The following WDFY3 variants were observed in gnomAD, a reference collection of about 807,000 sequenced individuals.
The protein encoded by WDFY3 is WD repeat and FYVE domain-containing protein 3.
In WDFY3, 66 loss-of-function variants were observed where a neutral mutation model predicts 409.6. That is an observed-to-expected ratio of 0.16 (90% confidence interval 0.13 to 0.20). The LOEUF (loss-of-function observed/expected upper bound fraction) is 0.20, where lower values mean the gene tolerates loss of function less well. Ranked by LOEUF, WDFY3 falls within the 10% of genes least tolerant of loss-of-function variation. The pLI is 1.00. For synonymous variants in WDFY3, 1,521 were observed against 1,537.1 expected, an observed-to-expected ratio of 0.99 and a Z score of 0.25; for missense variants, 3,031 against 4,298.1, an observed-to-expected ratio of 0.71 and a Z score of 8.24.
Position 84,740,234 on chromosome 4 carries a change from T to G in WDFY3, c.6417A>C (p.Glu2139Asp). The G allele has an allele frequency of 3.1e-6, 5 of 1,614,118 alleles. No homozygotes were observed. Among genetic ancestry groups the G allele is most frequent in the Non-Finnish European group, 4.2e-6 (5 of 1,180,012 alleles). ...LILGPGNHDQEFISCLAHCLI... is the reference protein window; with the variant it reads ...LILGPGNHDQDFISCLAHCLI... Reference sequence around the variant, plus strand: ...AGCAGTGGGCCAGACAGCTAATGAATTCTTGGTCATGGTTCCCAGGTCCCA... The same window carrying G: ...AGCAGTGGGCCAGACAGCTAATGAAGTCTTGGTCATGGTTCCCAGGTCCCA... Residue 2139 changes from glutamate (E) to aspartate (D), a missense_variant, in exon 39 of 68, where the codon GAA becomes GAC. This residue lies in a region of WDFY3 where 314 missense variants were observed against 397.4 expected (regional missense o/e 0.79). Coordinates refer to ENST00000295888, the MANE Select transcript of WDFY3 (RefSeq NM_014991.6).
intron 2 of WDFY3, among the ~76,000 whole-genome samples, chr4:84,924,325 C>T (rs909264471): frequency 2.0e-5 from 3 of 152,164 alleles, no homozygotes; most frequent in Admixed American, 2.0e-4. Flanking sequence ...GGCTTTATAT[C>T]CATATTCTAT....
intron 32 of WDFY3, among the ~76,000 whole-genome samples, chr4:84,757,627 G>C (rs1397550443): frequency 6.6e-6 from 1 of 152,024 alleles, no homozygotes; most frequent in Non-Finnish European, 1.5e-5. Flanking sequence ...GCCCAGGCTG[G>C]AGTGCAGTGC....
intron 5 of WDFY3, among the ~76,000 whole-genome samples, chr4:84,847,918 TATA>T (rs1003445135): frequency 2.1e-4 from 25 of 121,948 alleles, no homozygotes; most frequent in Admixed American, 1.6e-3. Flanking sequence ...ATGAGAAAAA[TATA>T]ATGTCACAAA....
chr4:84,757,079 T>A lies in WDFY3; in HGVS notation c.5271A>T (p.Pro1757=). The change falls in exon 33 of 68, where the codon CCA becomes CCT. Residue 1757 remains proline (P), a synonymous_variant. Coordinates refer to ENST00000295888, the MANE Select transcript of WDFY3 (RefSeq NM_014991.6). ...NRDACHFPGF[P]VLQSFLPKHT... ...GTTTAGGAAGGAATGACTGAAGGACTGGAAAACCAGGAAAATGACAAGCAT... is the reference window on the plus strand; with the variant it reads ...GTTTAGGAAGGAATGACTGAAGGACAGGAAAACCAGGAAAATGACAAGCAT... 1 of 1,614,026 alleles carries A rather than the reference T, an allele frequency of 6.2e-7. No individual in the cohort carries two copies. Among genetic ancestry groups the A allele is most frequent in the South Asian group, 1.1e-5 (1 of 91,082 alleles).
At chr4:84,880,553 A>G (rs949276296) in intron 3 of WDFY3, among the ~76,000 whole-genome samples, 1 of 150,880 alleles carries the variant, frequency 6.6e-6, no homozygotes, top group Non-Finnish European at 1.5e-5. Context: ...ACTTAGGTAC[A>G]TGCCCTAAGG....
At chr4:84,707,249 G>T (rs2148973422) in intron 53 of WDFY3, among the ~76,000 whole-genome samples, 1 of 152,168 alleles carries the variant, frequency 6.6e-6, no homozygotes, top group African/African-American at 2.4e-5. Context: ...TTTTAAACAG[G>T]GGGATGACTC....
At position 84,782,971 on chromosome 4, in the gene WDFY3, C is replaced by A; in HGVS notation, c.4166G>T (p.Gly1389Val). The A allele has an allele frequency of 6.2e-7, 1 of 1,613,196 alleles. No homozygotes were observed. The highest frequency in any genetic ancestry group is 1.1e-5 in the South Asian group (1 of 90,748). Residue 1389 changes from glycine to valine, a missense_variant, in exon 25 of 68, where the codon GGA becomes GTA. Physicochemically the swap from Gly to Val is moderately radical, Grantham distance 109. Around this residue, in one of 16 missense-constraint regions of WDFY3, gnomAD observed 1,322 missense variants for 1,697.9 expected, o/e 0.78. Coordinates refer to ENST00000295888, the MANE Select transcript of WDFY3 (RefSeq NM_014991.6). ...AAGATAAGTCCACTCACCCAAGTAT[C>A]CAATCAGAGCGGCCCCAATTGTCCG... ...SARTIGAALI[G>V]YLGVRTFVPK...
chr4:84,797,738 G>A lies in WDFY3; in HGVS notation c.2935+258C>T, dbSNP rs991252683. 1.1e-4 allele frequency among the ~76,000 whole-genome samples: 16 copies of A among 151,882 alleles called. No homozygotes were observed. The East Asian group carries it at 1.6e-3, about 15-fold the overall frequency. ...TGGGACTACAGGCGCCTGCCACTGCGCCCGGCTAATTTTTTTTGTATTTTT... is the reference window on the plus strand; with the variant it reads ...TGGGACTACAGGCGCCTGCCACTGCACCCGGCTAATTTTTTTTGTATTTTT... On this transcript the variant is annotated intron_variant, in intron 18 of 67. Transcript: ENST00000295888.
chr4:84,898,833 T>C (rs1765973609), intron 2 of WDFY3, among the ~76,000 whole-genome samples: 1 of 152,190 alleles, frequency 6.6e-6, no homozygotes, highest in Admixed American at 6.5e-5. Flanking sequence ...TAGGATGCTG[T>C]TCCTAAGAAG....
intron 9 of WDFY3, 92 bp downstream of exon 9, chr4:84,828,912 T>C: frequency 1.5e-6 from 2 of 1,306,644 alleles, no homozygotes; most frequent in Non-Finnish European, 2.0e-6. Flanking sequence ...TTCCTTAATT[T>C]GCTTTTCCTA....
rs143604772 is a variant in WDFY3 at position 84,696,848 on chromosome 4, TA to T, written c.8597-26del. On this transcript the variant is annotated intron_variant, in intron 56 of 67. Transcript: ENST00000295888. ...CCTATGCAATTGGATACATTAAAAA[TA>T]AAAAAAAAGAAAGAATGGGATAAAT... The T allele has an allele frequency of 0.035, 54,922 of 1,565,398 alleles. 1,100 individuals carry two copies. Among genetic ancestry groups the T allele is most frequent in the South Asian group, 0.05 (4,360 of 87,830 alleles).
chr4:84,910,393 T>C (rs1767598313), intron 2 of WDFY3, among the ~76,000 whole-genome samples: 1 of 151,898 alleles, frequency 6.6e-6, no homozygotes, highest in African/African-American at 2.4e-5. Flanking sequence ...CAATTAAAAA[T>C]AAAACATTTA....
intron 4 of WDFY3, among the ~76,000 whole-genome samples, chr4:84,856,547 G>A (rs1759788106): frequency 6.6e-6 from 1 of 152,118 alleles, no homozygotes; most frequent in African/African-American, 2.4e-5. Flanking sequence ...GAGCAAATCA[G>A]TAAGAGGGAA....
intron 29 of WDFY3, among the ~76,000 whole-genome samples, chr4:84,773,436 A>C (rs1383363893): frequency 6.6e-6 from 1 of 152,216 alleles, no homozygotes; most frequent in Non-Finnish European, 1.5e-5. Flanking sequence ...CTAGCAGTTA[A>C]GAACTTGGGT....
chr4:84,714,109 T>A (rs1049342390), intron 50 of WDFY3, among the ~76,000 whole-genome samples: 9 of 146,068 alleles, frequency 6.2e-5, no homozygotes, highest in Admixed American at 6.1e-4. Flanking sequence ...AGCAAGACTT[T>A]GTCTAAAAAA....
At chr4:84,910,007 G>T (rs142987818) in intron 2 of WDFY3, among the ~76,000 whole-genome samples, 44 of 152,252 alleles carry the variant, frequency 2.9e-4, no homozygotes, top group African/African-American at 5.3e-4. Context: ...TACACAGTCA[G>T]CCCTCTGCAT....
At chr4:84,826,773 C>G in intron 10 of WDFY3, 42 bp downstream of exon 10, 1 of 1,522,286 alleles carries the variant, frequency 6.6e-7, no homozygotes. Flanking sequence ...CATTCTTTCT[C>G]TATTTCTCTC....
chr4:84,923,088 G>A (rs188350713), intron 2 of WDFY3, among the ~76,000 whole-genome samples: 1 of 152,070 alleles, frequency 6.6e-6, no homozygotes, highest in Admixed American at 6.6e-5. Context: ...AGTCTTTTGG[G>A]GTAAATGAGT....
intron 1 of WDFY3, among the ~76,000 whole-genome samples, chr4:84,943,196 C>T (rs1005934567): frequency 1.3e-5 from 2 of 152,134 alleles, no homozygotes; most frequent in Non-Finnish European, 2.9e-5. Context: ...TTTTAACTAA[C>T]TTTCCTGTAA....
Sources: gnomAD v4.1 joint callset for allele counts (sites outside exome capture counted in the v4.1 genomes callset) on GRCh38, gnomAD v4.1.1 for gene constraint, gnomAD v4.1.1 regional missense constraint, MANE v1.5 for transcripts, NCBI Gene and HGNC (gene_info 2026-07-23, HGNC 2026-07-21) for gene names.